The following ITGA3 variants were observed in gnomAD, a reference collection of about 807,000 sequenced individuals.
The protein encoded by ITGA3 is integrin subunit alpha 3.
ITGA3 carries 70 observed loss-of-function variants against 131.1 expected under a neutral mutation model. The ratio of observed to expected loss-of-function variants is 0.53; its 90% CI spans 0.44 to 0.65. ITGA3 has a LOEUF of 0.65. ITGA3 is among the 30% of genes least tolerant of loss of function. The probability of loss-of-function intolerance (pLI) is 0.00; values close to 1 mark genes in which losing one functional copy is unlikely to be tolerated. For missense variants in ITGA3, 1,098 were observed against 1,388.6 expected, an observed-to-expected ratio of 0.79 and a Z score of 3.33; for synonymous variants, 537 against 571.6, an observed-to-expected ratio of 0.94 and a Z score of 0.86.
At chr17:50,083,965 T>C (rs1909285203) in intron 23 of ITGA3, among the ~76,000 whole-genome samples, 1 of 151,448 alleles carries the variant, frequency 6.6e-6, no homozygotes, top group Non-Finnish European at 1.5e-5. Flanking sequence ...GGCCAGGCGC[T>C]GTGGCTCACA....
rs140295782 is a variant in ITGA3, at chr17:50,075,499, G to A, written c.1510G>A (p.Gly504Arg). ...ELCFAYNQSAGNPNYRRNITL... is the reference protein window; with the variant it reads ...ELCFAYNQSARNPNYRRNITL... ...GTGCTTTGCTTACAACCAGAGTGCC[G>A]GGAACCCCAACTACAGGCGAAACAT... Residue 504 changes from glycine to arginine, a missense_variant, in exon 11 of 26, where the codon GGG (glycine) becomes AGG (arginine). This residue lies in a region of ITGA3 where 699 missense variants were observed against 829.2 expected (regional missense o/e 0.84). Transcript: ENST00000320031. 5.1e-5 allele frequency: 82 copies of A among 1,614,080 alleles called. No homozygotes were observed. Among genetic ancestry groups the A allele is most frequent in the Non-Finnish European group, 6.1e-5 (72 of 1,180,044 alleles).
chr17:50,078,036 C>T lies in ITGA3; in HGVS notation c.2140-10C>T, dbSNP rs535611926. 6 of 1,608,128 alleles carry T rather than the reference C, an allele frequency of 3.7e-6. No homozygotes were observed. The African/African-American group carries it at 8.0e-5, about 21-fold the overall frequency. On this transcript the variant is annotated splice_polypyrimidine_tract_variant and intron_variant, in intron 16 of 25. Transcript: ENST00000320031. ...TATGCCACTCTCTGCCTCCCTGACC[C>T]TTGTGGCAGATGGAGCTGCTCATCG...
chr17:50,084,666 T>C (rs112459922), intron 23 of ITGA3, among the ~76,000 whole-genome samples: 10 of 152,262 alleles, frequency 6.6e-5, no homozygotes, highest in African/African-American at 1.9e-4. Context: ...ATGCCTATAA[T>C]CCTAACACTT....
At chr17:50,057,134 C>T (rs1489982367) in intron 1 of ITGA3, among the ~76,000 whole-genome samples, 1 of 152,220 alleles carries the variant, frequency 6.6e-6, no homozygotes, top group Non-Finnish European at 1.5e-5. Context: ...CCTTCTCAAC[C>T]GCTGGCTTGG....
At chr17:50,076,178 C>T (rs529233496) in intron 12 of ITGA3, 148 bp from the exon 13 acceptor site, 3 of 836,152 alleles carry the variant, frequency 3.6e-6, no homozygotes, top group East Asian at 5.3e-5. Flanking sequence ...CGCAATTTGG[C>T]GACCGGACTG....
chr17:50,089,376 A>T lies in ITGA3; in HGVS notation c.*298A>T. 1.2e-6 allele frequency: 1 copy of T among 865,326 alleles called. No homozygotes were observed. 53.6% of individuals were successfully genotyped at this position (865,326 alleles called of 1,614,324 possible). ...GCCACCACCTTTGGCTGGTAGCAGC[A>T]GGCTCAGGCACATACACCTCGTCAA... On this transcript the variant is annotated 3_prime_UTR_variant, in exon 26 of 26. Coordinates refer to ENST00000320031, the MANE Select transcript of ITGA3 (RefSeq NM_002204.4).
At chr17:50,063,869 T>G (rs1214261918) in intron 1 of ITGA3, 4 of 623,586 alleles carry the variant, frequency 6.4e-6, no homozygotes, top group Non-Finnish European at 5.5e-6. Context: ...CCTGGGCTAC[T>G]GTGCTCCCTG....
At position 50,089,132 on chromosome 17, in the gene ITGA3, G is replaced by A. The variant is rs1189144159; in HGVS notation, c.*54G>A. 6.8e-6 allele frequency: 11 copies of A among 1,613,176 alleles called. No individual in the cohort carries two copies. The highest frequency in any genetic ancestry group is 2.2e-5 in the South Asian group (2 of 91,052). ...CAGTGTGACTTCTTTAAGCGGACCC[G>A]CTATTATCAGATCATGCCCAAGTAC... On this transcript the variant is annotated 3_prime_UTR_variant, in exon 26 of 26. Transcript: ENST00000320031.
intron 12 of ITGA3, 142 bp from the exon 13 acceptor site, chr17:50,076,184 G>A (rs1270052252): frequency 1.1e-6 from 1 of 901,642 alleles, no homozygotes; most frequent in African/African-American, 1.8e-5. Flanking sequence ...TTGGCGACCG[G>A]ACTGGAGGGA....
At position 50,078,262 on chromosome 17, in the gene ITGA3, A is replaced by G. The variant is rs779498119; in HGVS notation, c.2275A>G (p.Thr759Ala). ...PMILTLLVDY[T>A]LQTSLSMVNH... Reference sequence around the variant, plus strand: ...GATCCTCACTCTGCTGGTGGACTATACACTCCAGACCTCGCTTAGCATGTG... The same window carrying G: ...GATCCTCACTCTGCTGGTGGACTATGCACTCCAGACCTCGCTTAGCATGTG... The change falls in exon 18 of 26, where the codon ACA (threonine) becomes GCA (alanine). Residue 759 changes from threonine (T) to alanine (A), a missense_variant. Transcript: ENST00000320031. 1 of 1,613,924 alleles carries G rather than the reference A, an allele frequency of 6.2e-7. No individual in the cohort carries two copies. Among genetic ancestry groups the G allele is most frequent in the Non-Finnish European group, 8.5e-7 (1 of 1,179,906 alleles).
chr17:50,064,605 C>T lies in ITGA3; in HGVS notation c.412C>T (p.Leu138=). ...CAGCCAGGGCCCTGCAGGCAGAGTT[C>T]TGGTAAGTGGGTGCTCAGTGTTGGC... ...VASQGPAGRV[L]VCAHRYTQVL... The change falls in exon 3 of 26, where the codon CTG becomes TTG. Residue 138 remains leucine, a splice_region_variant and synonymous_variant. Coordinates refer to ENST00000320031, the MANE Select transcript of ITGA3 (RefSeq NM_002204.4). The surrounding 1 kb of genome is among the most constrained non-coding windows in gnomAD (Gnocchi z 4.4). 6.2e-7 allele frequency: 1 copy of T among 1,611,612 alleles called. No individual in the cohort carries two copies. The highest frequency in any genetic ancestry group is 1.1e-5 in the South Asian group (1 of 90,090).
rs147407544 is a variant in ITGA3, at chr17:50,089,583, G to A, written c.*505G>A. On this transcript the variant is annotated 3_prime_UTR_variant, in exon 26 of 26. Coordinates refer to ENST00000320031, the MANE Select transcript of ITGA3 (RefSeq NM_002204.4). Reference sequence around the variant, plus strand: ...TCGCCGTGTCTCAGCCTCTGCCAGCGCCAAAACAAGCCAAAGAGCCTCCCA... The same window carrying A: ...TCGCCGTGTCTCAGCCTCTGCCAGCACCAAAACAAGCCAAAGAGCCTCCCA... The A allele has an allele frequency of 5.8e-5, 17 of 294,850 alleles. No homozygotes were observed. The East Asian group carries it at 8.4e-4, about 15-fold the overall frequency. The allele number at this position is 294,850 out of a possible 1,614,324, so 18.3% of individuals were successfully genotyped here. A position where few individuals can be genotyped will look rare whatever the true frequency, so the allele number is the denominator to read the frequency against.
At chr17:50,058,501 A>G (rs1260770235) in intron 1 of ITGA3, among the ~76,000 whole-genome samples, 1 of 152,228 alleles carries the variant, frequency 6.6e-6, no homozygotes, top group East Asian at 1.9e-4. Context: ...ATGCATCCTC[A>G]TTACCCATGG....
At position 50,073,959 on chromosome 17, in the gene ITGA3, C is replaced by G. The variant is rs762945257; in HGVS notation, c.1200C>G (p.Tyr400Ter). 6.2e-7 allele frequency: 1 copy of G among 1,613,994 alleles called. No homozygotes were observed. The highest frequency in any genetic ancestry group is 8.5e-7 in the Non-Finnish European group (1 of 1,179,976). ...CGTTTGAAGGCTTGGGCAAAGTGTACATCTATCACAGTAGCTCTAAGGGGC... is the reference window on the plus strand; with the variant it reads ...CGTTTGAAGGCTTGGGCAAAGTGTAGATCTATCACAGTAGCTCTAAGGGGC... ...GAPFEGLGKV[Y>*]IYHSSSKGLL... The change falls in exon 8 of 26, where the codon TAC becomes TAG. Residue 400 changes from tyrosine to a stop codon, truncating the protein, a stop_gained. Coordinates refer to ENST00000320031, the MANE Select transcript of ITGA3 (RefSeq NM_002204.4). LOFTEE classifies it high-confidence loss of function.
chr17:50,085,570 A>G (rs998728652), intron 23 of ITGA3, among the ~76,000 whole-genome samples: 4 of 151,854 alleles, frequency 2.6e-5, no homozygotes, highest in African/African-American at 9.7e-5. Context: ...AGGCTGAGGC[A>G]GGAGAATTGC....
intron 7 of ITGA3, 95 bp from the exon 8 acceptor site, chr17:50,073,821 A>C: frequency 1.2e-6 from 1 of 861,566 alleles, no homozygotes; most frequent in Non-Finnish European, 2.0e-6. Flanking sequence ...GGCCAAGATC[A>C]GTTCTGTGCT....
At chr17:50,067,492 C>T (rs980112292) in intron 3 of ITGA3, among the ~76,000 whole-genome samples, 1 of 152,182 alleles carries the variant, frequency 6.6e-6, no homozygotes, top group Non-Finnish European at 1.5e-5. Flanking sequence ...ATGCAGGTTA[C>T]TGAGCTCTCC....
chr17:50,077,991 A>G (rs1567702401), intron 16 of ITGA3, 55 bp from the exon 17 acceptor site: 3 of 1,445,186 alleles, frequency 2.1e-6, no homozygotes, highest in Non-Finnish European at 2.9e-6. Flanking sequence ...TCCCCATGAC[A>G]TCACCCCCGC....
chr17:50,087,315 C>T (rs1909497889), intron 23 of ITGA3: 1 of 157,910 alleles, frequency 6.3e-6, no homozygotes, highest in African/African-American at 2.4e-5. Flanking sequence ...GGGCTAGAAC[C>T]CAGGTAATGT....
Sources: gnomAD v4.1 joint callset for allele counts (sites outside exome capture counted in the v4.1 genomes callset) on GRCh38, gnomAD v4.1.1 for gene constraint, gnomAD v4.1.1 regional missense constraint, Gnocchi (gnomAD v3.1) non-coding constraint, MANE v1.5 for transcripts, NCBI Gene and HGNC (gene_info 2026-07-23, HGNC 2026-07-21) for gene names.